Variants in ANO4 observed in about 807,000 individuals in gnomAD.
ANO4 encodes the protein anoctamin 4.
ANO4 carries 69 observed loss-of-function variants against 141.9 expected under a neutral mutation model. The ratio of observed to expected loss-of-function variants is 0.49; its 90% confidence interval spans 0.40 to 0.59. The LOEUF (loss-of-function observed/expected upper bound fraction) is 0.59, where lower values mean the gene tolerates loss of function less well. Ranked by LOEUF, ANO4 falls within the 20% of genes least tolerant of loss-of-function variation. ANO4 has a pLI of 0.00. For synonymous variants in ANO4, 350 were observed against 394.3 expected (o/e 0.89, Z 1.33); for missense variants, 894 against 1,162.2 (o/e 0.77, Z 3.36).
intron 12 of ANO4, 88 bp from the exon 13 acceptor site, chr12:101,043,451 A>G (rs2047491651): frequency 1.1e-6 from 1 of 913,486 alleles, no homozygotes; most frequent in Admixed American, 1.8e-5. Flanking sequence ...AACCTACTGG[A>G]TCTTATTTAC....
intron 5 of ANO4, among the ~76,000 whole-genome samples, chr12:100,946,886 C>T (rs1298329282): frequency 6.6e-6 from 1 of 152,106 alleles, no homozygotes; most frequent in East Asian, 1.9e-4. Context: ...GTGTGTGGTT[C>T]AGGAGAGATG....
intron 18 of ANO4, among the ~76,000 whole-genome samples, chr12:101,096,228 T>C (rs1217200125): frequency 1.3e-5 from 2 of 152,196 alleles, no homozygotes; most frequent in Non-Finnish European, 2.9e-5. Context: ...GAATGAGGCC[T>C]CGACAGCCTG....
chr12:101,012,674 A>C (rs2046145711), intron 8 of ANO4, among the ~76,000 whole-genome samples: 1 of 152,188 alleles, frequency 6.6e-6, no homozygotes, highest in Non-Finnish European at 1.5e-5. Context: ...TTTTAACTGG[A>C]AAAGCATAAG....
chr12:100,917,949 A>G (rs2041425048), intron 2 of ANO4, among the ~76,000 whole-genome samples: 1 of 152,196 alleles, frequency 6.6e-6, no homozygotes. Context: ...CTTTATTTTC[A>G]GTCTTAAATC....
chr12:100,921,998 C>T (rs2041653706), intron 2 of ANO4, among the ~76,000 whole-genome samples: 1 of 151,114 alleles, frequency 6.6e-6, no homozygotes, highest in Non-Finnish European at 1.5e-5. Context: ...AAGTAGTTGC[C>T]TTATTTTGCA....
chr12:100,774,730 C>A (rs1267554278), intron 3 of ANO4, among the ~76,000 whole-genome samples: 2 of 152,178 alleles, frequency 1.3e-5, no homozygotes, highest in Admixed American at 1.3e-4. Flanking sequence ...ACGAGATGGC[C>A]ACTGTCCACG....
intron 3 of ANO4, among the ~76,000 whole-genome samples, chr12:100,781,150 A>C (rs1210901851): frequency 6.6e-6 from 1 of 152,218 alleles, no homozygotes; most frequent in African/African-American, 2.4e-5. Flanking sequence ...CTCAATTTAC[A>C]TTAGTCACAA....
chr12:100,937,993 G>A (rs2042355141), intron 3 of ANO4, among the ~76,000 whole-genome samples: 1 of 152,144 alleles, frequency 6.6e-6, no homozygotes. Flanking sequence ...AATCCTTTCG[G>A]TGATAAAAAG....
intron 1 of ANO4, among the ~76,000 whole-genome samples, chr12:100,857,875 CA>C: frequency 6.6e-6 from 1 of 152,018 alleles, no homozygotes; most frequent in Non-Finnish European, 1.5e-5. Flanking sequence ...AAGACAAAAC[CA>C]AACCACCAAA....
At chr12:101,118,224 T>C (rs1448025691) in intron 25 of ANO4, among the ~76,000 whole-genome samples, 1 of 152,130 alleles carries the variant, frequency 6.6e-6, no homozygotes, top group Non-Finnish European at 1.5e-5. Flanking sequence ...CCAACTATTA[T>C]TTGGAGTTAA....
intron 3 of ANO4, among the ~76,000 whole-genome samples, chr12:100,780,668 C>A (rs1593318178): frequency 6.6e-6 from 1 of 152,082 alleles, no homozygotes. Flanking sequence ...CATTTCTTTG[C>A]TACATCCTGT....
At chr12:101,116,623 C>A in intron 24 of ANO4, 56 bp from the exon 25 acceptor site, 1 of 1,612,762 alleles carries the variant, frequency 6.2e-7, no homozygotes, top group Non-Finnish European at 8.5e-7. Context: ...CTTCAGGGAA[C>A]TGGATACAGA....
intron 7 of ANO4, among the ~76,000 whole-genome samples, chr12:100,986,426 G>T (rs2044711845): frequency 6.6e-6 from 1 of 152,078 alleles, no homozygotes. Context: ...GCCCACCTGT[G>T]TTGGTGAGGA....
At chr12:100,762,674 C>T (rs191528255) in intron 3 of ANO4, among the ~76,000 whole-genome samples, 7 of 152,220 alleles carry the variant, frequency 4.6e-5, no homozygotes, top group Admixed American at 2.0e-4. Context: ...GCTTGGCTGG[C>T]GGAGGTCTCA....
intron 5 of ANO4, among the ~76,000 whole-genome samples, chr12:100,948,969 A>G (rs114436017): frequency 0.015 from 2,334 of 152,282 alleles, 57 homozygotes; most frequent in African/African-American, 0.053. Flanking sequence ...GTAAGCTACC[A>G]TATTGTGAGA....
chr12:101,088,888 A>T (rs1431547009), intron 17 of ANO4, among the ~76,000 whole-genome samples: 2 of 143,280 alleles, frequency 1.4e-5, no homozygotes, highest in Non-Finnish European at 3.1e-5. Context: ...GACCTGTAAA[A>T]AATTAAAAAA....
At chr12:100,984,797 A>G (rs2044635631) in intron 7 of ANO4, among the ~76,000 whole-genome samples, 5 of 152,094 alleles carry the variant, frequency 3.3e-5, no homozygotes, top group Admixed American at 3.3e-4. Context: ...TTAATTAATC[A>G]TTTTAATTAC....
chr12:101,118,769 C>G (rs2137047843), intron 25 of ANO4, among the ~76,000 whole-genome samples: 1 of 152,010 alleles, frequency 6.6e-6, no homozygotes, highest in East Asian at 1.9e-4. Flanking sequence ...GCACAGCATG[C>G]AGGTTTGTTA....
chr12:101,042,413 A>G lies in ANO4; in HGVS notation c.1099A>G (p.Ile367Val). ...YTGMLFPAAF[I>V]GLFVFLYGVT... ...CGGCATGCTCTTCCCAGCTGCCTTCATTGGATTGTTTGTCTTTTTGTATGG... is the reference window on the plus strand; with the variant it reads ...CGGCATGCTCTTCCCAGCTGCCTTCGTTGGATTGTTTGTCTTTTTGTATGG... The change falls in exon 12 of 28, where the codon ATT becomes GTT. Residue 367 changes from isoleucine to valine, a missense_variant. Physicochemically the swap from Ile to Val is conservative, Grantham distance 29 (BLOSUM62 3). Transcript: ENST00000392977. 1 of 1,614,076 alleles carries G rather than the reference A, an allele frequency of 6.2e-7. No individual in the cohort carries two copies. Among genetic ancestry groups the G allele is most frequent in the South Asian group, 1.1e-5 (1 of 91,080 alleles).
Sources: gnomAD v4.1 joint callset for allele counts (sites outside exome capture counted in the v4.1 genomes callset) on GRCh38, gnomAD v4.1.1 for gene constraint, MANE v1.5 for transcripts, NCBI Gene and HGNC (gene_info 2026-07-23, HGNC 2026-07-21) for gene names.